AKAP19: variants seen among roughly 807,000 people sequenced by gnomAD.
The protein encoded by AKAP19 is small A-kinase anchoring protein.
chr2:189,991,837 A>C, the AKAP19 span, among the ~76,000 whole-genome samples: 1 of 152,110 alleles, frequency 6.6e-6, no homozygotes, highest in South Asian at 2.1e-4. Context: ...CAGGTCTTAG[A>C]TTTAAGTGTT....
At chr2:190,188,077 G>A in the AKAP19 span, among the ~76,000 whole-genome samples, 1 of 152,192 alleles carries the variant, frequency 6.6e-6, no homozygotes, top group Admixed American at 6.5e-5. Context: ...GTGATTTGAG[G>A]GGTAGGAGAC....
chr2:190,140,671 C>T, the AKAP19 span, among the ~76,000 whole-genome samples: 2 of 152,160 alleles, frequency 1.3e-5, no homozygotes, highest in Admixed American at 6.5e-5. Flanking sequence ...GCCCTGGACC[C>T]GGCCCATGAA....
the AKAP19 span, among the ~76,000 whole-genome samples, chr2:190,173,694 A>C: frequency 6.6e-6 from 1 of 152,230 alleles, no homozygotes; most frequent in Non-Finnish European, 1.5e-5. Context: ...ACCAATAGAC[A>C]GTCCTCTCTT....
chr2:189,941,551 A>G, the AKAP19 span, among the ~76,000 whole-genome samples: 1,135 of 152,312 alleles, frequency 7.5e-3, 16 homozygotes, highest in African/African-American at 0.026. Context: ...TGAGATCCAA[A>G]GTAAATATAA....
chr2:190,034,835 CA>C, the AKAP19 span, among the ~76,000 whole-genome samples: 1 of 51,988 alleles, frequency 1.9e-5, no homozygotes, highest in Non-Finnish European at 3.4e-5. Flanking sequence ...GCCTGGGCAA[CA>C]AAGCAAGATC....
chr2:190,027,890 T>A, the AKAP19 span, among the ~76,000 whole-genome samples: 1 of 152,194 alleles, frequency 6.6e-6, no homozygotes, highest in South Asian at 2.1e-4. Context: ...GTTTGGCATC[T>A]ATGAATTTAG....
the AKAP19 span, among the ~76,000 whole-genome samples, chr2:190,067,277 G>GT: frequency 8.6e-4 from 131 of 152,254 alleles, no homozygotes; most frequent in African/African-American, 3.0e-3. Flanking sequence ...AAACATCTTA[G>GT]TATTATTATG....
chr2:190,159,652 C>T, the AKAP19 span, among the ~76,000 whole-genome samples: 6 of 152,162 alleles, frequency 3.9e-5, no homozygotes, highest in Non-Finnish European at 7.3e-5. Flanking sequence ...TAACCACATT[C>T]TTCTAGCCAA....
the AKAP19 span, among the ~76,000 whole-genome samples, chr2:190,018,938 G>A: frequency 2.6e-5 from 4 of 152,188 alleles, no homozygotes; most frequent in Non-Finnish European, 4.4e-5. Context: ...GCTGGATTCT[G>A]CAATCGGGCA....
At chr2:190,172,528 A>G in the AKAP19 span, among the ~76,000 whole-genome samples, 1 of 152,104 alleles carries the variant, frequency 6.6e-6, no homozygotes, top group African/African-American at 2.4e-5. Flanking sequence ...ACAACCCATC[A>G]TTTTTTCAAA....
At chr2:190,057,658 C>A in the AKAP19 span, 1 of 1,612,142 alleles carries the variant, frequency 6.2e-7, no homozygotes, top group Non-Finnish European at 8.5e-7. Flanking sequence ...AAGGAAAGAA[C>A]AATCAGTAAT....
At chr2:190,021,037 AC>A in the AKAP19 span, among the ~76,000 whole-genome samples, 1 of 152,172 alleles carries the variant, frequency 6.6e-6, no homozygotes, top group Non-Finnish European at 1.5e-5. Context: ...CCATCAATGA[AC>A]ACTTGAGTTA....
the AKAP19 span, among the ~76,000 whole-genome samples, chr2:190,194,272 A>G: frequency 6.6e-6 from 1 of 152,164 alleles, no homozygotes; most frequent in South Asian, 2.1e-4. Context: ...AATGTTGTTC[A>G]GAACACGTAT....
At chr2:190,131,352 TACGTGATGAA>T in the AKAP19 span, among the ~76,000 whole-genome samples, 187 of 152,304 alleles carry the variant, frequency 1.2e-3, no homozygotes, top group African/African-American at 4.4e-3. Flanking sequence ...TGATTATACC[TACGTGATGAA>T]ACCTTCATAA....
chr2:190,020,206 A>T, the AKAP19 span, among the ~76,000 whole-genome samples: 1 of 152,212 alleles, frequency 6.6e-6, no homozygotes, highest in Admixed American at 6.5e-5. Context: ...TTACAATTAG[A>T]TAAAATTCTG....
the AKAP19 span, among the ~76,000 whole-genome samples, chr2:190,142,626 G>A: frequency 6.6e-6 from 1 of 152,150 alleles, no homozygotes; most frequent in Non-Finnish European, 1.5e-5. Context: ...CCTCCACAGT[G>A]GTAAGAAATG....
the AKAP19 span, among the ~76,000 whole-genome samples, chr2:190,126,577 G>T: frequency 6.6e-6 from 1 of 151,858 alleles, no homozygotes; most frequent in African/African-American, 2.4e-5. Flanking sequence ...TGTAAGAAAT[G>T]CTGTTTTATT....
At chr2:189,991,387 T>C in the AKAP19 span, among the ~76,000 whole-genome samples, 5 of 152,228 alleles carry the variant, frequency 3.3e-5, no homozygotes, top group African/African-American at 1.2e-4. Context: ...ATTATAGTCA[T>C]TCTTGCAAGA....
At chr2:189,914,070 A>T in the AKAP19 span, among the ~76,000 whole-genome samples, 1 of 152,042 alleles carries the variant, frequency 6.6e-6, no homozygotes, top group Non-Finnish European at 1.5e-5. Flanking sequence ...TTATCAGTAA[A>T]CAGATGCAGA....
Sources: gnomAD v4.1 joint callset for allele counts (sites outside exome capture counted in the v4.1 genomes callset) on GRCh38, gnomAD v4.1.1 for gene constraint, MANE v1.5 for transcripts, NCBI Gene and HGNC (gene_info 2026-07-23, HGNC 2026-07-21) for gene names.